GPSM1: variants seen among roughly 807,000 people sequenced by gnomAD.
The protein encoded by GPSM1 is G protein-signaling modulator 1.
Under a neutral mutation model 70.5 loss-of-function variants are expected in GPSM1, and 48 were observed. The observed-to-expected ratio is 0.68, with a 90% CI of 0.54 to 0.87. The LOEUF is 0.87. Ranked by LOEUF, GPSM1 falls within the 40% of genes least tolerant of loss-of-function variation. GPSM1 has a pLI of 0.00. For synonymous variants in GPSM1, 416 were observed against 430.1 expected (o/e 0.97, Z 0.41); for missense variants, 981 against 972.6 (o/e 1.01, Z -0.11).
intron 1 of GPSM1, among the ~76,000 whole-genome samples, chr9:136,331,156 G>A (rs138022622): frequency 2.0e-5 from 3 of 152,294 alleles, no homozygotes; most frequent in East Asian, 1.9e-4. Flanking sequence ...GAAGGACGCC[G>A]GGGGCTTGGG....
chr9:136,341,809 AT>A lies in GPSM1; in HGVS notation c.1207+821del. On this transcript the variant is annotated intron_variant, in intron 9 of 13. Transcript: ENST00000440944. The surrounding 1 kb of genome is among the most constrained non-coding windows in gnomAD (Gnocchi z 6.7). ...TGCCGGAGTTTCTTTTTCTTATCTT[AT>A]TTTTAATAATTAAATGTTTTTATAG... 1 of 974,882 alleles carries A rather than the reference AT, an allele frequency of 1.0e-6. No individual in the cohort carries two copies. Among genetic ancestry groups the A allele is most frequent in the Non-Finnish European group, 1.2e-6 (1 of 820,482 alleles). 60.4% of individuals were successfully genotyped at this position (974,882 alleles called of 1,614,324 possible).
chr9:136,338,886 A>G (rs1368252891), intron 7 of GPSM1, among the ~76,000 whole-genome samples, 176 bp downstream of exon 7: 1 of 152,200 alleles, frequency 6.6e-6, no homozygotes, highest in Non-Finnish European at 1.5e-5. Context: ...TGGGCCGGCC[A>G]CTGACCCCTG....
Position 136,356,539 on chromosome 9 carries a change from A to G in GPSM1, c.1810A>G (p.Ile604Val). Residue 604 changes from isoleucine (I) to valine (V), a missense_variant, in exon 13 of 14, where the codon ATC (isoleucine) becomes GTC (valine). Ile to Val is a conservative substitution (Grantham distance 29). Coordinates refer to ENST00000440944, the MANE Select transcript of GPSM1 (RefSeq NM_001145638.3). The part of the protein sequence containing the change: ...EPGDDFFNML[I>V]KYQSSRIDDQ... ...GGGGGACGACTTCTTCAACATGCTC[A>G]TCAAGTACCAGGTGGGCTGCGGCCC... 6.2e-7 allele frequency: 1 copy of G among 1,610,458 alleles called. No homozygotes were observed. Among genetic ancestry groups the G allele is most frequent in the Non-Finnish European group, 8.5e-7 (1 of 1,178,360 alleles).
At chr9:136,334,264 G>A (rs766159721) in intron 1 of GPSM1, among the ~76,000 whole-genome samples, 183 bp from the exon 2 acceptor site, 3 of 152,210 alleles carry the variant, frequency 2.0e-5, no homozygotes, top group East Asian at 1.9e-4. Context: ...TGGCTGGGGC[G>A]CCCTTGGGCC....
Position 136,339,725 on chromosome 9 carries a change from G to A in GPSM1, c.993G>A (p.Ala331=), listed in dbSNP as rs1554769862. The change falls in exon 8 of 14, where the codon GCG becomes GCA. Residue 331 remains alanine (A), a synonymous_variant. Coordinates refer to ENST00000440944, the MANE Select transcript of GPSM1 (RefSeq NM_001145638.3). ...ELADRVGEGR[A]CWSLGNAYVS... ...CTGGCAGAGTGGGCGAGGGCCGGGC[G>A]TGCTGGAGCCTGGGAAATGCCTACG... 34 of 1,549,804 alleles carry A rather than the reference G, an allele frequency of 2.2e-5. No individual in the cohort carries two copies. The highest frequency in any genetic ancestry group is 2.5e-5 in the Non-Finnish European group (29 of 1,146,488).
intron 1 of GPSM1, 37 bp downstream of exon 1, chr9:136,327,800 G>GGGACC (rs1189583545): frequency 6.6e-6 from 6 of 914,376 alleles, no homozygotes; most frequent in East Asian, 3.9e-5. Context: ...GGCCGGGGCT[G>GGGACC]GGACCGGACC....
chr9:136,349,765 T>C lies in GPSM1; in HGVS notation c.1455+2T>C. ...GTCCGGGTGCACGTGCCACGCACGGTAGGCGTCTTTGACGGCAGATCCAGG... is the reference window on the plus strand; with the variant it reads ...GTCCGGGTGCACGTGCCACGCACGGCAGGCGTCTTTGACGGCAGATCCAGG... On this transcript the variant is annotated splice_donor_variant, in intron 11 of 13. Coordinates refer to ENST00000440944, the MANE Select transcript of GPSM1 (RefSeq NM_001145638.3). LOFTEE classifies it high-confidence loss of function. 2 of 1,570,622 alleles carry C rather than the reference T, an allele frequency of 1.3e-6. No homozygotes were observed.
chr9:136,355,923 A>C (rs1832806491), intron 12 of GPSM1, 77 bp downstream of exon 12: 2 of 1,289,892 alleles, frequency 1.6e-6, no homozygotes, highest in South Asian at 2.7e-5. Context: ...TCCTGCTTCC[A>C]GTGAGGAGTT....
chr9:136,333,893 C>A (rs1554768803), intron 1 of GPSM1, among the ~76,000 whole-genome samples: 1 of 152,124 alleles, frequency 6.6e-6, no homozygotes, highest in Non-Finnish European at 1.5e-5. Context: ...AATCCCCAGG[C>A]CCTGGCTGGG....
At chr9:136,333,919 G>T (rs1554768808) in intron 1 of GPSM1, among the ~76,000 whole-genome samples, 1 of 152,082 alleles carries the variant, frequency 6.6e-6, no homozygotes, top group Non-Finnish European at 1.5e-5. Flanking sequence ...TTGGGGGTGG[G>T]GGAGGAGCCG....
intron 9 of GPSM1, among the ~76,000 whole-genome samples, chr9:136,345,952 C>A (rs1564350739): frequency 6.6e-6 from 1 of 152,336 alleles, no homozygotes; most frequent in East Asian, 1.9e-4. Flanking sequence ...GGCGGCTCCA[C>A]CTCAGTGCCT....
Position 136,343,820 on chromosome 9 carries a change from C to T in GPSM1, c.1207+2827C>T, listed in dbSNP as rs373286734. On this transcript the variant is annotated intron_variant, in intron 9 of 13. Coordinates refer to ENST00000440944, the MANE Select transcript of GPSM1 (RefSeq NM_001145638.3). The surrounding 1 kb of genome is among the most constrained non-coding windows in gnomAD (Gnocchi z 6.0). ...AGGCAGGTGTGGCTGCAGCACCATC[C>T]GCCTGTTCCAGCAGCCCAGTGGCCC... Among the ~76,000 whole-genome samples the T allele has an allele frequency of 5.6e-4, 86 of 152,222 alleles. No homozygotes were observed. In the East Asian group the frequency reaches 7.2e-3, roughly 13 times the overall value.
chr9:136,340,654 G>A lies in GPSM1; in HGVS notation c.1084-216G>A, dbSNP rs1250717401. On this transcript the variant is annotated intron_variant, in intron 8 of 13. Coordinates refer to ENST00000440944, the MANE Select transcript of GPSM1 (RefSeq NM_001145638.3). The surrounding 1 kb of genome is among the most constrained non-coding windows in gnomAD (Gnocchi z 7.3). ...TCTGGGGTGAACTAGGGGCTGTTGA[G>A]GACCTGTGGGGCCACCTCACCCAGG... Among the ~76,000 whole-genome samples the A allele has an allele frequency of 6.6e-6, 1 of 152,052 alleles. No homozygotes were observed. Among genetic ancestry groups the A allele is most frequent in the Non-Finnish European group, 1.5e-5 (1 of 67,984 alleles).
At chr9:136,334,717 C>T (rs375512693) in intron 2 of GPSM1, 49 bp downstream of exon 2, 84 of 1,482,466 alleles carry the variant, frequency 5.7e-5, no homozygotes, top group African/African-American at 2.4e-4. Context: ...GCCCTGCTGG[C>T]GCGGTGAGTG....
intron 11 of GPSM1, among the ~76,000 whole-genome samples, chr9:136,353,482 G>A (rs1450823997): frequency 6.6e-6 from 1 of 152,188 alleles, no homozygotes; most frequent in African/African-American, 2.4e-5. Context: ...GGCTCCAGGA[G>A]CCCCAAACTA....
chr9:136,356,651 C>G, intron 13 of GPSM1, 101 bp downstream of exon 13: 1 of 820,314 alleles, frequency 1.2e-6, no homozygotes, highest in South Asian at 1.7e-5. Context: ...GCTGGTTCTG[C>G]CATCTCCGGT....
chr9:136,332,756 G>A (rs1324571244), intron 1 of GPSM1, among the ~76,000 whole-genome samples: 1 of 151,494 alleles, frequency 6.6e-6, no homozygotes, highest in Non-Finnish European at 1.5e-5. Context: ...TGGGTGGGAG[G>A]GCCTGGCCCT....
rs1554770259 is a variant in GPSM1 at position 136,341,208 on chromosome 9, G to T, written c.1207+215G>T. ...CCCGCATCCTGAGTGGCGCTGCAGGGCTGCTGGATGAAGGACAGGAGGTGG... is the reference window on the plus strand; with the variant it reads ...CCCGCATCCTGAGTGGCGCTGCAGGTCTGCTGGATGAAGGACAGGAGGTGG... On this transcript the variant is annotated intron_variant, in intron 9 of 13. Coordinates refer to ENST00000440944, the MANE Select transcript of GPSM1 (RefSeq NM_001145638.3). The surrounding 1 kb of genome is among the most constrained non-coding windows in gnomAD (Gnocchi z 6.7). 1 of 1,536,610 alleles carries T rather than the reference G, an allele frequency of 6.5e-7. No individual in the cohort carries two copies. Among genetic ancestry groups the T allele is most frequent in the Non-Finnish European group, 8.8e-7 (1 of 1,139,598 alleles).
intron 1 of GPSM1, chr9:136,331,982 G>A (rs1339794275): frequency 7.5e-6 from 3 of 398,478 alleles, no homozygotes; most frequent in Middle Eastern, 6.2e-4. Context: ...GGCTGGCTTG[G>A]GGGAGGAGGG....
Sources: allele counts gnomAD v4.1 joint callset (sites outside exome capture counted in the v4.1 genomes callset), GRCh38; gene constraint gnomAD v4.1.1; non-coding constraint Gnocchi (gnomAD v3.1); transcripts MANE v1.5; gene names NCBI Gene and HGNC (gene_info 2026-07-23, HGNC 2026-07-21).